The following ANKRD33B variants were observed in gnomAD, a reference collection of about 807,000 sequenced individuals.
ANKRD33B encodes ankyrin repeat domain 33B.
Under a neutral mutation model 21.5 loss-of-function variants are expected in ANKRD33B, and 6 were observed. The ratio of observed to expected loss-of-function variants is 0.28; its 90% CI spans 0.15 to 0.55. ANKRD33B has a LOEUF of 0.55. Ranked by LOEUF, ANKRD33B falls within the 20% of genes least tolerant of loss-of-function variation. The probability of loss-of-function intolerance (pLI) is 0.94; values close to 1 mark genes in which losing one functional copy is unlikely to be tolerated. For missense variants in ANKRD33B, 698 were observed against 747.2 expected, an observed-to-expected ratio of 0.93 and a Z score of 0.77; for synonymous variants, 347 against 342.4, an observed-to-expected ratio of 1.01 and a Z score of -0.15.
intron 1 of ANKRD33B, among the ~76,000 whole-genome samples, chr5:10,575,275 T>C (rs1735293954): frequency 6.6e-6 from 1 of 151,850 alleles, no homozygotes; most frequent in African/African-American, 2.4e-5. Flanking sequence ...ATACAAAAAT[T>C]AGCTGGGCGT....
intron 1 of ANKRD33B, among the ~76,000 whole-genome samples, chr5:10,605,693 T>C (rs999322872): frequency 6.6e-6 from 1 of 152,164 alleles, no homozygotes; most frequent in African/African-American, 2.4e-5. Context: ...CATGCCCAGC[T>C]AATTTTTGTA....
chr5:10,587,764 C>T (rs1735598538), intron 1 of ANKRD33B, among the ~76,000 whole-genome samples: 1 of 152,064 alleles, frequency 6.6e-6, no homozygotes, highest in Non-Finnish European at 1.5e-5. Context: ...GGTTTATTCA[C>T]TTGTAGGGGT....
chr5:10,584,964 C>A (rs1469099409), intron 1 of ANKRD33B, among the ~76,000 whole-genome samples: 2 of 152,274 alleles, frequency 1.3e-5, no homozygotes, highest in South Asian at 2.1e-4. Context: ...TAGGAAAGAG[C>A]CTTCCAGGCT....
intron 2 of ANKRD33B, among the ~76,000 whole-genome samples, chr5:10,636,052 C>T (rs59558856): frequency 0.021 from 3,195 of 152,316 alleles, 118 homozygotes; most frequent in African/African-American, 0.073. Context: ...GTCCTTGCCA[C>T]CTCTCTCCCA....
intron 1 of ANKRD33B, among the ~76,000 whole-genome samples, chr5:10,613,309 G>T (rs1391039351): frequency 7.4e-6 from 1 of 135,494 alleles, no homozygotes; most frequent in Non-Finnish European, 1.5e-5. Context: ...TTTTGAGATA[G>T]AGTCTTGCTC....
At chr5:10,630,034 A>G (rs1216983260) in intron 2 of ANKRD33B, among the ~76,000 whole-genome samples, 2 of 149,806 alleles carry the variant, frequency 1.3e-5, no homozygotes, top group African/African-American at 2.5e-5. Flanking sequence ...TGAATGGTTG[A>G]TGGAGGGTGG....
intron 3 of ANKRD33B, among the ~76,000 whole-genome samples, chr5:10,641,008 A>T (rs1032353448): frequency 5.3e-5 from 8 of 152,076 alleles, no homozygotes; most frequent in Non-Finnish European, 1.2e-4. Context: ...TCTTAATACT[A>T]TTCCAGTGGG....
At chr5:10,590,837 A>G (rs1735669629) in intron 1 of ANKRD33B, among the ~76,000 whole-genome samples, 1 of 152,140 alleles carries the variant, frequency 6.6e-6, no homozygotes, top group Non-Finnish European at 1.5e-5. Context: ...CCTTAGGGAA[A>G]GCCATGAGAA....
intron 1 of ANKRD33B, among the ~76,000 whole-genome samples, chr5:10,566,584 C>A (rs1467726383): frequency 6.6e-6 from 1 of 152,214 alleles, no homozygotes; most frequent in Non-Finnish European, 1.5e-5. Flanking sequence ...TCTAGGGCAC[C>A]ACTGGGCTCA....
Position 10,564,769 on chromosome 5 carries a change from T to C in ANKRD33B, c.302T>C (p.Leu101Pro). ...RAACANNVGL[L>P]RTLVRRGVSV... Reference sequence around the variant, plus strand: ...GCCTGCGCCAACAACGTGGGGCTGCTGCGGACGCTGGTGCGGCGCGGGGTG... The same window carrying C: ...GCCTGCGCCAACAACGTGGGGCTGCCGCGGACGCTGGTGCGGCGCGGGGTG... The change falls in exon 1 of 4, where the codon CTG (leucine) becomes CCG (proline). Residue 101 changes from leucine (L) to proline (P), a missense_variant. Physicochemically the swap from Leu to Pro is moderately conservative, Grantham distance 98. Coordinates refer to ENST00000296657, the MANE Select transcript of ANKRD33B (RefSeq NM_001164440.2). 6.5e-7 allele frequency: 1 copy of C among 1,526,736 alleles called. No homozygotes were observed. The highest frequency in any genetic ancestry group is 2.5e-5 in the East Asian group (1 of 40,638). 94.6% of individuals were successfully genotyped at this position (1,526,736 alleles called of 1,614,324 possible). A position where few individuals can be genotyped will look rare whatever the true frequency, so the allele number is the denominator to read the frequency against.
At chr5:10,594,999 G>A (rs1735788081) in intron 1 of ANKRD33B, among the ~76,000 whole-genome samples, 1 of 152,108 alleles carries the variant, frequency 6.6e-6, no homozygotes, top group South Asian at 2.1e-4. Flanking sequence ...GCCAGTCCTG[G>A]GCTTTTCCTA....
intron 1 of ANKRD33B, among the ~76,000 whole-genome samples, chr5:10,611,265 G>C (rs1343872030): frequency 1.3e-5 from 2 of 152,144 alleles, no homozygotes; most frequent in Non-Finnish European, 2.9e-5. Flanking sequence ...CTTTGTTAAT[G>C]TTACCAATGA....
chr5:10,640,049 A>G (rs149199632), intron 3 of ANKRD33B, among the ~76,000 whole-genome samples: 577 of 26,282 alleles, frequency 0.022, 5 homozygotes, highest in African/African-American at 0.034. Context: ...GTGGAGTTGC[A>G]CGGTGATGTT....
chr5:10,655,430 C>G lies in ANKRD33B; in HGVS notation c.*5317C>G, dbSNP rs1737465049. 6.6e-6 allele frequency: 1 copy of G among 152,498 alleles called. No individual in the cohort carries two copies. The highest frequency in any genetic ancestry group is 1.9e-4 in the East Asian group (1 of 5,324). The allele number at this position is 152,498 out of a possible 1,614,324, so 9.4% of individuals were successfully genotyped here. A position where few individuals can be genotyped will look rare whatever the true frequency, so the allele number is the denominator to read the frequency against. On this transcript the variant is annotated 3_prime_UTR_variant, in exon 4 of 4. Coordinates refer to ENST00000296657, the MANE Select transcript of ANKRD33B (RefSeq NM_001164440.2). ...CCGCCTCCAAGAGCACTACACTCCC[C>G]CCAGCCCCACCGGCCACACTACATG...
At chr5:10,628,017 C>T (rs536733270) in intron 2 of ANKRD33B, 4 of 152,462 alleles carry the variant, frequency 2.6e-5, no homozygotes, top group Admixed American at 2.6e-4. Context: ...CTAAGAATTC[C>T]TGGAGTCTGT....
chr5:10,582,330 C>T (rs999526786), intron 1 of ANKRD33B, among the ~76,000 whole-genome samples: 8 of 152,158 alleles, frequency 5.3e-5, no homozygotes, highest in African/African-American at 1.4e-4. Flanking sequence ...TCTGGCTGCC[C>T]GTGTTTACAA....
chr5:10,603,811 A>G (rs370436596), intron 1 of ANKRD33B, among the ~76,000 whole-genome samples: 3 of 151,972 alleles, frequency 2.0e-5, no homozygotes, highest in Non-Finnish European at 2.9e-5. Flanking sequence ...ATATACCTCA[A>G]TTTTACTAAT....
Position 10,649,422 on chromosome 5 carries a change from C to A in ANKRD33B, c.794C>A (p.Pro265Gln), listed in dbSNP as rs1479373556. Residue 265 changes from proline (P) to glutamine (Q), a missense_variant, in exon 4 of 4, where the codon CCG becomes CAG. By Grantham distance (76) the Pro-to-Gln change is moderately conservative. Coordinates refer to ENST00000296657, the MANE Select transcript of ANKRD33B (RefSeq NM_001164440.2). ...FWEKYRPELPPPPEAARKPAG... is the reference protein window; with the variant it reads ...FWEKYRPELPQPPEAARKPAG... ...GAGAAGTACCGGCCCGAGCTGCCGC[C>A]GCCCCCTGAAGCGGCGCGGAAGCCC... is the stretch of plus-strand genomic sequence containing the variant. 8 of 1,535,308 alleles carry A rather than the reference C, an allele frequency of 5.2e-6. No individual in the cohort carries two copies. The Admixed American group carries it at 1.6e-4, about 30-fold the overall frequency.
chr5:10,622,681 G>A (rs1736446074), intron 2 of ANKRD33B, among the ~76,000 whole-genome samples: 2 of 152,102 alleles, frequency 1.3e-5, no homozygotes, highest in Non-Finnish European at 2.9e-5. Context: ...CTAGACAACC[G>A]GGGAGCAATC....
Sources: allele counts gnomAD v4.1 joint callset (sites outside exome capture counted in the v4.1 genomes callset), GRCh38; gene constraint gnomAD v4.1.1; transcripts MANE v1.5; gene names NCBI Gene and HGNC (gene_info 2026-07-23, HGNC 2026-07-21).